CDHR2: variants seen among roughly 807,000 people sequenced by gnomAD.
CDHR2 encodes cadherin related family member 2, also known as cadherin-related family member 2.
A neutral mutation model predicts 138.6 loss-of-function variants in CDHR2; 104 were observed. The ratio of observed to expected loss-of-function variants is 0.75; its 90% confidence interval spans 0.64 to 0.88. CDHR2 has a LOEUF of 0.88. Ranked by LOEUF, CDHR2 falls within the 40% of genes least tolerant of loss-of-function variation. The pLI is 0.00. For synonymous variants in CDHR2, 755 were observed against 742.8 expected (o/e 1.02, Z -0.27); for missense variants, 1,624 against 1,727.6 (o/e 0.94, Z 1.06).
rs772095322 is a variant in CDHR2 at position 176,590,702 on chromosome 5, G to GC, written c.3539+20dup. ...GTGCGGAAGAGGTGCGGCTCCCATTGCCCCCGTGTCTCCAACCTTCACCCT... is the reference window on the plus strand; with the variant it reads ...GTGCGGAAGAGGTGCGGCTCCCATTGCCCCCCGTGTCTCCAACCTTCACCCT... On this transcript the variant is annotated intron_variant, in intron 28 of 31. Coordinates refer to ENST00000261944, the MANE Select transcript of CDHR2 (RefSeq NM_017675.6). 1 of 1,612,350 alleles carries GC rather than the reference G, an allele frequency of 6.2e-7. No homozygotes were observed. Among genetic ancestry groups the GC allele is most frequent in the Non-Finnish European group, 8.5e-7 (1 of 1,179,962 alleles).
At position 176,578,058 on chromosome 5, in the gene CDHR2, T is replaced by TG; in HGVS notation, c.1541dup (p.Gln515ProfsTer30). ...GGCCACGGACCCAGACACGGGCGCG[T>TG]GGGGCCAAATTACCTACAGCCTGCT... On this transcript the variant is annotated frameshift_variant, in exon 15 of 32. Coordinates refer to ENST00000261944, the MANE Select transcript of CDHR2 (RefSeq NM_017675.6). LOFTEE classifies it high-confidence loss of function. 1 of 1,612,606 alleles carries TG rather than the reference T, an allele frequency of 6.2e-7. No individual in the cohort carries two copies. Among genetic ancestry groups the TG allele is most frequent in the Non-Finnish European group, 8.5e-7 (1 of 1,178,964 alleles).
In CDHR2 at chr5:176,590,594, C is replaced by A; in HGVS notation, c.3446C>A (p.Ser1149Ter). Residue 1149 changes from serine to a stop codon, truncating the protein, a stop_gained, in exon 28 of 32, where the codon TCG becomes TAG. Coordinates refer to ENST00000261944, the MANE Select transcript of CDHR2 (RefSeq NM_017675.6). LOFTEE classifies it high-confidence loss of function. ...CAGGAGAGCCAGGAGTCAGACCTGT[C>A]GAAACAGCTCATCAGTGTCATCATA... ...GSQESQESDL[S>*]KQLISVIIGL... is the part of the protein sequence containing the mutation. 2 of 1,613,982 alleles carry A rather than the reference C, an allele frequency of 1.2e-6. No homozygotes were observed. The highest frequency in any genetic ancestry group is 1.1e-5 in the South Asian group (1 of 91,046).
Position 176,578,404 on chromosome 5 carries a change from GACGGTGAGGA to G in CDHR2, c.1623_1632del (p.Arg541SerfsTer13). ...AAGTGGATCCCGTCTCAGGGACGGT[GACGGTGAGGA>G]ACGGTGAGCTGCTGGACCGGGAGAG... On this transcript the variant is annotated frameshift_variant, in exon 16 of 32. Coordinates refer to ENST00000261944, the MANE Select transcript of CDHR2 (RefSeq NM_017675.6). LOFTEE classifies it high-confidence loss of function. 6.2e-7 allele frequency: 1 copy of G among 1,614,068 alleles called. No homozygotes were observed. The highest frequency in any genetic ancestry group is 1.1e-5 in the South Asian group (1 of 91,020).
At chr5:176,591,110 C>G in intron 28 of CDHR2, 100 bp from the exon 29 acceptor site, 2 of 781,512 alleles carry the variant, frequency 2.6e-6, no homozygotes, top group South Asian at 3.1e-5. Flanking sequence ...AGAGCTAACA[C>G]TCACCTCCCG....
chr5:176,573,276 G>A (rs1266386871), intron 6 of CDHR2, among the ~76,000 whole-genome samples: 1 of 151,920 alleles, frequency 6.6e-6, no homozygotes, highest in East Asian at 1.9e-4. Context: ...GGACTCTTGG[G>A]GGATTTGAAG....
chr5:176,568,845 G>A (rs753893565), intron 4 of CDHR2, 28 bp downstream of exon 4: 10 of 1,612,878 alleles, frequency 6.2e-6, no homozygotes, highest in South Asian at 1.1e-5. Flanking sequence ...GAGAGGGCAC[G>A]GGACGCGGAG....
Position 176,554,947 on chromosome 5 carries a change from C to A in CDHR2, c.-16+5533C>A, listed in dbSNP as rs554676012. ...GGGATTACAGGTGTGAGCCACCACA[C>A]CCAGCCTCGAAGGGATTTTGTGAGC... On this transcript the variant is annotated intron_variant, in intron 1 of 31. Coordinates refer to ENST00000261944, the MANE Select transcript of CDHR2 (RefSeq NM_017675.6). Among the ~76,000 whole-genome samples the A allele has an allele frequency of 1.9e-3, 283 of 152,306 alleles. 1 individual carries two copies. Among genetic ancestry groups the A allele is most frequent in the Non-Finnish European group, 3.2e-3 (215 of 68,006 alleles).
chr5:176,591,976 GTGT>G lies in CDHR2; in HGVS notation c.3734+495_3734+497del, dbSNP rs1318933763. 2.3e-4 allele frequency among the ~76,000 whole-genome samples: 34 copies of G among 150,264 alleles called. 1 individual carries two copies. Among genetic ancestry groups the G allele is most frequent in the East Asian group, 2.2e-3 (11 of 4,956 alleles). ...GATGATGACGGTGGTGGTGGTGGTGGTGTTGGTGTTGAGGTGATGGTGGTGATG... is the reference window on the plus strand; with the variant it reads ...GATGATGACGGTGGTGGTGGTGGTGGTGGTGTTGAGGTGATGGTGGTGATG... On this transcript the variant is annotated intron_variant, in intron 30 of 31. Transcript: ENST00000261944.
intron 16 of CDHR2, 135 bp from the exon 17 acceptor site, chr5:176,581,208 G>A: frequency 2.6e-6 from 3 of 1,163,404 alleles, no homozygotes; most frequent in Non-Finnish European, 3.6e-6. Flanking sequence ...CTGGGGCTGG[G>A]AGATGGGCCC....
intron 30 of CDHR2, among the ~76,000 whole-genome samples, 155 bp from the exon 31 acceptor site, chr5:176,592,568 G>A (rs1346355523): frequency 1.3e-5 from 2 of 151,454 alleles, no homozygotes; most frequent in African/African-American, 4.9e-5. Flanking sequence ...GCTGATGGTA[G>A]TGATGATGGT....
chr5:176,544,375 C>CT (rs33922574), upstream of CDHR2, among the ~76,000 whole-genome samples: 1,244 of 146,200 alleles, frequency 8.5e-3, 12 homozygotes, highest in African/African-American at 0.024. Flanking sequence ...TCTTTCTTTC[C>CT]TTTTTTTCTT....
At position 176,576,031 on chromosome 5, in the gene CDHR2, A is replaced by G. The variant is rs770605000; in HGVS notation, c.1040A>G (p.Asn347Ser). 1 of 1,613,808 alleles carries G rather than the reference A, an allele frequency of 6.2e-7. No homozygotes were observed. The highest frequency in any genetic ancestry group is 1.1e-5 in the South Asian group (1 of 91,066). The change falls in exon 12 of 32, where the codon AAT (asparagine) becomes AGT (serine). Residue 347 changes from asparagine to serine, a missense_variant. By Grantham distance (46) the Asn-to-Ser change is conservative. Coordinates refer to ENST00000261944, the MANE Select transcript of CDHR2 (RefSeq NM_017675.6). The surrounding 1 kb of genome is among the most constrained non-coding windows in gnomAD (Gnocchi z 4.5). ...GTGACAGTGAGAGTGATGGACGTCA[A>G]TGACCACAAACCTGAGTTTTACAAC... ...IWVTVRVMDV[N>S]DHKPEFYNCS...
intron 21 of CDHR2, among the ~76,000 whole-genome samples, chr5:176,587,127 A>G (rs1446164684): frequency 1.3e-5 from 2 of 152,250 alleles, no homozygotes; most frequent in East Asian, 1.9e-4. Context: ...CTAATTGTAA[A>G]TTAAGCCAGT....
At chr5:176,566,803 C>A (rs2113281127) in intron 3 of CDHR2, 1 of 395,398 alleles carries the variant, frequency 2.5e-6, no homozygotes, top group South Asian at 1.8e-5. Flanking sequence ...AAGCCACAGA[C>A]CCACGCCTAG....
upstream of CDHR2, among the ~76,000 whole-genome samples, chr5:176,549,173 G>T (rs567783401): frequency 5.9e-5 from 9 of 152,322 alleles, no homozygotes; most frequent in Admixed American, 2.6e-4. Context: ...CCCCAGGAGC[G>T]CCAGGAGCTC....
At chr5:176,557,627 G>A (rs1421257217) in intron 1 of CDHR2, among the ~76,000 whole-genome samples, 2 of 142,986 alleles carry the variant, frequency 1.4e-5, no homozygotes, top group Non-Finnish European at 3.0e-5. Context: ...GTGCAGTGAC[G>A]AAATCTCTGC....
intron 1 of CDHR2, among the ~76,000 whole-genome samples, chr5:176,556,149 C>T (rs58080893): frequency 0.011 from 1,671 of 152,310 alleles, 34 homozygotes; most frequent in African/African-American, 0.038. Context: ...GTTTGTGCTA[C>T]TTGGGACTCC....
upstream of CDHR2, among the ~76,000 whole-genome samples, chr5:176,545,116 CT>C (rs1757556347): frequency 6.6e-6 from 1 of 151,884 alleles, no homozygotes; most frequent in African/African-American, 2.4e-5. Context: ...TTTTCCTTTT[CT>C]TTTTTTGTGG....
intron 24 of CDHR2, 62 bp from the exon 25 acceptor site, chr5:176,590,016 C>T: frequency 1.5e-6 from 2 of 1,355,150 alleles, no homozygotes; most frequent in South Asian, 1.2e-5. Context: ...CCCACTGGCA[C>T]AGCCCTGGCC....
Sources: gnomAD v4.1 joint callset for allele counts (sites outside exome capture counted in the v4.1 genomes callset) on GRCh38, gnomAD v4.1.1 for gene constraint, Gnocchi (gnomAD v3.1) non-coding constraint, MANE v1.5 for transcripts, NCBI Gene and HGNC (gene_info 2026-07-23, HGNC 2026-07-21) for gene names.